Variants in MTMR2 observed in about 807,000 individuals in gnomAD.
The protein encoded by MTMR2 is phosphatidylinositol-3,5-bisphosphate 3-phosphatase MTMR2.
A neutral mutation model predicts 86.9 loss-of-function variants in MTMR2; 55 were observed. The ratio of observed to expected loss-of-function variants is 0.63; its 90% CI spans 0.51 to 0.79. The LOEUF (loss-of-function observed/expected upper bound fraction) is 0.79, where lower values mean the gene tolerates loss of function less well. Ranked by LOEUF, MTMR2 falls within the 30% of genes least tolerant of loss-of-function variation. MTMR2 has a pLI of 0.00. For missense variants in MTMR2, 659 were observed against 772.3 expected, an observed-to-expected ratio of 0.85 and a Z score of 1.74; for synonymous variants, 241 against 266.8, an observed-to-expected ratio of 0.90 and a Z score of 0.94.
At chr11:95,900,038 G>A (rs1008290895) in intron 1 of MTMR2, among the ~76,000 whole-genome samples, 4 of 152,178 alleles carry the variant, frequency 2.6e-5, no homozygotes, top group Admixed American at 6.5e-5. Flanking sequence ...ACTTAGGTCA[G>A]TTAATAAGTT....
Position 95,850,683 on chromosome 11 carries a change from G to T in MTMR2, c.721C>A (p.Pro241Thr), listed in dbSNP as rs540766159. The T allele has an allele frequency of 1.9e-6, 3 of 1,613,910 alleles. No individual in the cohort carries two copies. The highest frequency in any genetic ancestry group is 2.5e-6 in the Non-Finnish European group (3 of 1,179,862). ...TTTGCTGGCACAACCAGGAGGGCAG[G>T]GTATGTATCACAAAGTTCATATCGT... is the stretch of plus-strand genomic sequence containing the variant. ...NERYELCDTY[P>T]ALLVVPANIP... The change falls in exon 8 of 15, where the codon CCT becomes ACT. Residue 241 changes from proline (P) to threonine (T), a missense_variant. Pro to Thr is a conservative substitution (Grantham distance 38). Transcript: ENST00000346299.
intron 2 of MTMR2, among the ~76,000 whole-genome samples, chr11:95,885,828 G>C (rs1431126679): frequency 6.6e-6 from 1 of 151,974 alleles, no homozygotes. Flanking sequence ...ACCTAACACC[G>C]CCTCAACCAA....
intron 12 of MTMR2, among the ~76,000 whole-genome samples, chr11:95,839,083 T>A (rs773459939): frequency 2.0e-5 from 3 of 151,944 alleles, no homozygotes; most frequent in African/African-American, 2.4e-5. Context: ...CCTTCCTTTA[T>A]AGTGGAGGAA....
At chr11:95,874,495 C>T (rs1254687) in intron 2 of MTMR2, among the ~76,000 whole-genome samples, 42,636 of 151,618 alleles carry the variant, frequency 0.28, 10,757 homozygotes, top group African/African-American at 0.68. Flanking sequence ...TGTCTCTGCA[C>T]GTGAGATGGG....
chr11:95,921,528 T>C (rs1467468362), intron 1 of MTMR2, among the ~76,000 whole-genome samples: 1 of 152,142 alleles, frequency 6.6e-6, no homozygotes, highest in Non-Finnish European at 1.5e-5. Flanking sequence ...TGTATTAGAG[T>C]CACCTGCGAT....
At position 95,924,088 on chromosome 11, in the gene MTMR2, G is replaced by T; in HGVS notation, c.-134C>A. ...CGGCCCGGGAGGGAGACCGGAAGCG[G>T]CCATGTTCCCCCAGAGTGCACCGCG... On this transcript the variant is annotated 5_prime_UTR_variant, in exon 1 of 15. Coordinates refer to ENST00000346299, the MANE Select transcript of MTMR2 (RefSeq NM_016156.6). The T allele has an allele frequency of 1.7e-6, 2 of 1,188,500 alleles. No homozygotes were observed. Among genetic ancestry groups the T allele is most frequent in the African/African-American group, 1.5e-5 (1 of 66,682 alleles). 73.6% of individuals were successfully genotyped at this position (1,188,500 alleles called of 1,614,324 possible).
rs1864585441 is a variant in MTMR2 at position 95,865,627 on chromosome 11, A to G, written c.236T>C (p.Leu79Pro). ...CATGTCTTTAATATTTTCTCCTGGA[A>G]GCAAGGGTGGTTCTTCCATTTCTGC... ...KLAEMEEPPL[L>P]PGENIKDMAK... Residue 79 changes from leucine to proline, a missense_variant, in exon 3 of 15, where the codon CTT becomes CCT. Coordinates refer to ENST00000346299, the MANE Select transcript of MTMR2 (RefSeq NM_016156.6). 1.2e-6 allele frequency: 2 copies of G among 1,613,838 alleles called. No homozygotes were observed. Among genetic ancestry groups the G allele is most frequent in the Non-Finnish European group, 1.7e-6 (2 of 1,179,820 alleles).
chr11:95,833,457 A>G lies in MTMR2; in HGVS notation c.*1833T>C, dbSNP rs745658737. On this transcript the variant is annotated 3_prime_UTR_variant, in exon 15 of 15. Coordinates refer to ENST00000346299, the MANE Select transcript of MTMR2 (RefSeq NM_016156.6). ...TTCCTCCTCCCTCCCTCCCACACAC[A>G]CCAGTGGTATATATTAAATGCCCAA... The G allele has an allele frequency of 6.6e-6, 1 of 152,030 alleles. No homozygotes were observed. Among genetic ancestry groups the G allele is most frequent in the Non-Finnish European group, 1.5e-5 (1 of 67,964 alleles). The allele number at this position is 152,030 out of a possible 1,614,324, so 9.4% of individuals were successfully genotyped here. A position where few individuals can be genotyped will look rare whatever the true frequency, so the allele number is the denominator to read the frequency against.
chr11:95,904,604 G>T (rs1293703548), intron 1 of MTMR2, among the ~76,000 whole-genome samples: 1 of 152,194 alleles, frequency 6.6e-6, no homozygotes, highest in African/African-American at 2.4e-5. Context: ...GGTGACCTTT[G>T]GTTGTCCTTA....
chr11:95,888,708 TACACACACACATACAC>T (rs1865603103), intron 1 of MTMR2, among the ~76,000 whole-genome samples: 1 of 145,908 alleles, frequency 6.9e-6, no homozygotes, highest in African/African-American at 2.6e-5. Context: ...TAGAAACACA[TACACACACACATACAC>T]ACACACACAC....
intron 1 of MTMR2, among the ~76,000 whole-genome samples, chr11:95,907,428 T>C (rs1284808746): frequency 6.6e-6 from 1 of 152,028 alleles, no homozygotes; most frequent in East Asian, 1.9e-4. Context: ...CAAATTCTAC[T>C]AGATGCATAA....
chr11:95,884,710 G>C (rs1037470736), intron 2 of MTMR2, among the ~76,000 whole-genome samples: 3 of 151,938 alleles, frequency 2.0e-5, no homozygotes, highest in Non-Finnish European at 2.9e-5. Context: ...CCCCACAAAA[G>C]AAATCCACAT....
intron 1 of MTMR2, among the ~76,000 whole-genome samples, chr11:95,906,487 T>C (rs936014785): frequency 1.3e-5 from 2 of 152,118 alleles, no homozygotes; most frequent in Non-Finnish European, 2.9e-5. Context: ...TATTAGATCA[T>C]TGAGGCAAGA....
At chr11:95,849,571 T>G in intron 9 of MTMR2, 103 bp downstream of exon 9, 2 of 1,034,010 alleles carry the variant, frequency 1.9e-6, no homozygotes, top group Admixed American at 3.4e-5. Context: ...AGAACCTATA[T>G]GTTTACCACT....
At chr11:95,912,525 G>T (rs990660978) in intron 1 of MTMR2, among the ~76,000 whole-genome samples, 32 of 151,762 alleles carry the variant, frequency 2.1e-4, no homozygotes, top group African/African-American at 7.7e-4. Context: ...AAACTCTCTA[G>T]TAATTTGAGA....
Position 95,907,475 on chromosome 11 carries a change from C to T in MTMR2, c.80+16400G>A, listed in dbSNP as rs192347051. On this transcript the variant is annotated intron_variant, in intron 1 of 14. Transcript: ENST00000346299. Reference sequence around the variant, plus strand: ...TGCCATTCCTATGGAAACTATTCCCCCCAAAAAAATGAGGAGGAAGGACTC... The same window carrying T: ...TGCCATTCCTATGGAAACTATTCCCTCCAAAAAAATGAGGAGGAAGGACTC... Among the ~76,000 whole-genome samples the T allele has an allele frequency of 1.3e-3, 192 of 151,922 alleles. 2 individuals carry two copies. Among genetic ancestry groups the T allele is most frequent in the African/African-American group, 4.3e-3 (179 of 41,478 alleles).
chr11:95,834,542 T>G lies in MTMR2; in HGVS notation c.*748A>C, dbSNP rs1335254710. ...TAAATAATTAGTTTTTAAAATATCT[T>G]TCATGATGTTTCTGGTAATTGGGCT... On this transcript the variant is annotated 3_prime_UTR_variant, in exon 15 of 15. Coordinates refer to ENST00000346299, the MANE Select transcript of MTMR2 (RefSeq NM_016156.6). The G allele has an allele frequency of 6.6e-6, 1 of 152,056 alleles. No homozygotes were observed. Among genetic ancestry groups the G allele is most frequent in the Non-Finnish European group, 1.5e-5 (1 of 67,992 alleles). 9.4% of individuals were successfully genotyped at this position (152,056 alleles called of 1,614,324 possible).
At chr11:95,837,492 T>TTTGA (rs1289108751) in intron 13 of MTMR2, among the ~76,000 whole-genome samples, 1 of 152,000 alleles carries the variant, frequency 6.6e-6, no homozygotes, top group Non-Finnish European at 1.5e-5. Flanking sequence ...ATAGACAAGT[T>TTTGA]TTGATAAAGA....
chr11:95,841,740 TAG>T (rs1863557712), intron 11 of MTMR2, 31 bp from the exon 12 acceptor site: 2 of 1,483,946 alleles, frequency 1.3e-6, no homozygotes, highest in East Asian at 2.3e-5. Context: ...TATATGAACT[TAG>T]GGGGATTTTT....
Sources: gnomAD v4.1 joint callset for allele counts (sites outside exome capture counted in the v4.1 genomes callset) on GRCh38, gnomAD v4.1.1 for gene constraint, MANE v1.5 for transcripts, NCBI Gene and HGNC (gene_info 2026-07-23, HGNC 2026-07-21) for gene names.